NEK7: variants seen among roughly 807,000 people sequenced by gnomAD.
The protein encoded by NEK7 is NIMA related kinase 7, also known as serine/threonine-protein kinase Nek7.
A neutral mutation model predicts 44.6 loss-of-function variants in NEK7; 18 were observed. The ratio of observed to expected loss-of-function variants is 0.40; its 90% CI spans 0.28 to 0.60. The LOEUF is 0.60. Ranked by LOEUF, NEK7 falls within the 20% of genes least tolerant of loss-of-function variation. NEK7 has a pLI of 0.38. For synonymous variants in NEK7, 130 were observed against 121.1 expected (o/e 1.07, Z -0.48); for missense variants, 256 against 366.5 (o/e 0.70, Z 2.46).
chr1:198,186,265 G>C (rs1664923609), intron 1 of NEK7, among the ~76,000 whole-genome samples: 1 of 152,118 alleles, frequency 6.6e-6, no homozygotes, highest in African/African-American at 2.4e-5. Context: ...CATATCGGTT[G>C]TATGTGATGT....
intron 3 of NEK7, among the ~76,000 whole-genome samples, chr1:198,260,675 G>C (rs1053202058): frequency 6.6e-6 from 1 of 151,960 alleles, no homozygotes; most frequent in African/African-American, 2.4e-5. Context: ...GTAAGGTAAG[G>C]CTTTATATTT....
In NEK7 at chr1:198,210,987, C is replaced by T. The variant is rs916279831; in HGVS notation, c.-28-21566C>T. ...CGGGATGGTCTCGATCTCCTGACCTCGTGATCCGCCCGCCTCGGCCTCCCA... is the reference window on the plus strand; with the variant it reads ...CGGGATGGTCTCGATCTCCTGACCTTGTGATCCGCCCGCCTCGGCCTCCCA... On this transcript the variant is annotated intron_variant, in intron 1 of 9. Transcript: ENST00000367385. Among the ~76,000 whole-genome samples, 6 of 151,604 alleles carry T rather than the reference C, an allele frequency of 4.0e-5. No homozygotes were observed. In the South Asian group the frequency reaches 6.2e-4, roughly 16 times the overall value.
At chr1:198,283,100 G>C (rs1654259622) in intron 7 of NEK7, among the ~76,000 whole-genome samples, 2 of 152,222 alleles carry the variant, frequency 1.3e-5, no homozygotes, top group Admixed American at 1.3e-4. Context: ...TCATACAAAA[G>C]GTGGATACAG....
At chr1:198,244,055 A>G (rs1666764007) in intron 2 of NEK7, among the ~76,000 whole-genome samples, 1 of 152,090 alleles carries the variant, frequency 6.6e-6, no homozygotes. Context: ...TTATTGCTAA[A>G]TAAAATTTGA....
chr1:198,255,425 G>T (rs900099840), intron 3 of NEK7, among the ~76,000 whole-genome samples: 1 of 151,968 alleles, frequency 6.6e-6, no homozygotes, highest in African/African-American at 2.4e-5. Context: ...GTGGAAAACA[G>T]GGCTCAATTC....
chr1:198,277,548 A>G (rs537586375), intron 5 of NEK7, among the ~76,000 whole-genome samples: 1 of 152,000 alleles, frequency 6.6e-6, no homozygotes, highest in South Asian at 2.1e-4. Context: ...TTCAATATTT[A>G]AAAGGAATTC....
In NEK7 at chr1:198,177,721, T is replaced by G. The variant is rs557636162; in HGVS notation, c.-29+20445T>G. ...TGAAGTGTTGGGGGAAAGGGAAGAG[T>G]GATGGCATGATCAGTTCCTCAGCTA... On this transcript the variant is annotated intron_variant, in intron 1 of 9. Coordinates refer to ENST00000367385, the MANE Select transcript of NEK7 (RefSeq NM_133494.3). Among the ~76,000 whole-genome samples the G allele has an allele frequency of 2.6e-5, 4 of 151,736 alleles. No individual in the cohort carries two copies. The East Asian group carries it at 7.8e-4, about 29-fold the overall frequency.
chr1:198,160,297 G>A (rs1008184170), intron 1 of NEK7, among the ~76,000 whole-genome samples: 2 of 151,166 alleles, frequency 1.3e-5, no homozygotes, highest in Admixed American at 1.3e-4. Context: ...ATTTCTTTCA[G>A]GTTTTGTTTC....
intron 3 of NEK7, among the ~76,000 whole-genome samples, chr1:198,255,494 A>G (rs983307939): frequency 2.0e-5 from 3 of 152,116 alleles, no homozygotes; most frequent in African/African-American, 7.2e-5. Context: ...AGAAAGAAAG[A>G]AGGGAAGAAA....
At chr1:198,310,896 G>C (rs899964237) in intron 9 of NEK7, among the ~76,000 whole-genome samples, 1 of 149,962 alleles carries the variant, frequency 6.7e-6, no homozygotes, top group African/African-American at 2.5e-5. Context: ...TGTTCTTTTC[G>C]CTTAGGATTG....
chr1:198,188,196 G>A (rs1664974557), intron 1 of NEK7, among the ~76,000 whole-genome samples: 1 of 152,066 alleles, frequency 6.6e-6, no homozygotes, highest in African/African-American at 2.4e-5. Flanking sequence ...TTGTTGTTTT[G>A]TTTAGGTGAG....
chr1:198,169,590 G>GTT (rs34108311), intron 1 of NEK7, among the ~76,000 whole-genome samples: 1 of 123,000 alleles, frequency 8.1e-6, no homozygotes. Context: ...AACTTACTGG[G>GTT]TTTTTTTTTT....
chr1:198,173,078 G>A (rs1380674839), intron 1 of NEK7, among the ~76,000 whole-genome samples: 1 of 152,116 alleles, frequency 6.6e-6, no homozygotes, highest in Non-Finnish European at 1.5e-5. Context: ...ATATATAGCA[G>A]CAGAGGAGTC....
intron 1 of NEK7, among the ~76,000 whole-genome samples, chr1:198,167,601 T>C (rs1477242305): frequency 6.6e-6 from 1 of 152,220 alleles, no homozygotes; most frequent in African/African-American, 2.4e-5. Flanking sequence ...ATTTTTGGCA[T>C]TTTTACAAAA....
At chr1:198,281,517 C>G (rs1302537063) in intron 7 of NEK7, among the ~76,000 whole-genome samples, 2 of 151,936 alleles carry the variant, frequency 1.3e-5, no homozygotes, top group Admixed American at 6.6e-5. Flanking sequence ...AAAGAAAAAT[C>G]TGAGTAAGTT....
At chr1:198,204,732 A>G (rs990212187) in intron 1 of NEK7, among the ~76,000 whole-genome samples, 2 of 151,914 alleles carry the variant, frequency 1.3e-5, no homozygotes, top group Non-Finnish European at 2.9e-5. Flanking sequence ...AAAAAAAAAA[A>G]AAAAAAGAAA....
chr1:198,317,635 G>A (rs1377489066), intron 9 of NEK7, among the ~76,000 whole-genome samples: 1 of 152,124 alleles, frequency 6.6e-6, no homozygotes, highest in Non-Finnish European at 1.5e-5. Context: ...ATGTGGCAGT[G>A]TTAGGAAGTC....
chr1:198,253,060 G>T lies in NEK7; in HGVS notation c.78G>T (p.Met26Ile). 6.2e-7 allele frequency: 1 copy of T among 1,610,092 alleles called. No homozygotes were observed. The highest frequency in any genetic ancestry group is 2.2e-5 in the East Asian group (1 of 44,750). The change falls in exon 3 of 10, where the codon ATG (methionine) becomes ATT (isoleucine). Residue 26 changes from methionine to isoleucine, a missense_variant. By Grantham distance (10) the Met-to-Ile change is conservative. Coordinates refer to ENST00000367385, the MANE Select transcript of NEK7 (RefSeq NM_133494.3). The stretch of plus-strand genomic sequence containing the variant: ...TACAGAAGGCCTTACGACCGGATAT[G>T]GGCTATAATACATTAGCCAACTTTC... ...FQPQKALRPD[M>I]GYNTLANFRI...
intron 1 of NEK7, among the ~76,000 whole-genome samples, chr1:198,201,980 C>T (rs1355897327): frequency 6.6e-6 from 1 of 152,148 alleles, no homozygotes. Context: ...ACAAAGAGCA[C>T]TGTAGTTTGG....
Sources: allele counts gnomAD v4.1 joint callset (sites outside exome capture counted in the v4.1 genomes callset), GRCh38; gene constraint gnomAD v4.1.1; transcripts MANE v1.5; gene names NCBI Gene and HGNC (gene_info 2026-07-23, HGNC 2026-07-21).